DCAF6: variants seen among roughly 807,000 people sequenced by gnomAD.
DCAF6 encodes the protein DDB1 and CUL4 associated factor 6, also known as DDB1- and CUL4-associated factor 6.
DCAF6 carries 54 observed loss-of-function variants against 125.1 expected under a neutral mutation model. The ratio of observed to expected loss-of-function variants is 0.43; its 90% CI spans 0.35 to 0.54. The LOEUF (loss-of-function observed/expected upper bound fraction) is 0.54. Among genes scored for constraint, DCAF6 ranks in the 20% least tolerant of loss-of-function variants. The pLI is 0.01. For synonymous variants in DCAF6, 371 were observed against 390.4 expected, an observed-to-expected ratio of 0.95 and a Z score of 0.58; for missense variants, 934 against 1,161.7, an observed-to-expected ratio of 0.80 and a Z score of 2.85.
chr1:167,985,546 T>C (rs1315169890), intron 4 of DCAF6, among the ~76,000 whole-genome samples: 2 of 152,180 alleles, frequency 1.3e-5, no homozygotes, highest in Non-Finnish European at 2.9e-5. Context: ...CTTGTAATTA[T>C]ATTGGGCCTC....
At chr1:167,988,156 A>C (rs903997790) in intron 5 of DCAF6, among the ~76,000 whole-genome samples, 1 of 152,002 alleles carries the variant, frequency 6.6e-6, no homozygotes, top group Non-Finnish European at 1.5e-5. Context: ...AATACAATTA[A>C]ATTAATTAAT....
At chr1:167,921,288 T>C in the DCAF6 span, among the ~76,000 whole-genome samples, 1 of 152,040 alleles carries the variant, frequency 6.6e-6, no homozygotes, top group African/African-American at 2.4e-5. Flanking sequence ...AATGGTGCGA[T>C]CTAGGCTCAC....
chr1:167,977,418 C>G (rs1470998013), intron 4 of DCAF6, among the ~76,000 whole-genome samples: 2 of 151,686 alleles, frequency 1.3e-5, no homozygotes, highest in Non-Finnish European at 2.9e-5. Flanking sequence ...CCATTATATT[C>G]TGACTTCCAT....
At chr1:167,930,026 G>C in the DCAF6 span, among the ~76,000 whole-genome samples, 1 of 151,892 alleles carries the variant, frequency 6.6e-6, no homozygotes, top group Non-Finnish European at 1.5e-5. Flanking sequence ...GTTAATCTTT[G>C]ACATGGATAC....
At chr1:168,002,742 C>G (rs428694) in intron 8 of DCAF6, among the ~76,000 whole-genome samples, 167 bp downstream of exon 8, 105,334 of 151,662 alleles carry the variant, frequency 0.69, 37,517 homozygotes, top group African/African-American at 0.86. Flanking sequence ...TGGAATGGCG[C>G]AGTCACTGGA....
the DCAF6 span, among the ~76,000 whole-genome samples, chr1:167,898,328 T>C: frequency 6.6e-6 from 1 of 152,004 alleles, no homozygotes; most frequent in Non-Finnish European, 1.5e-5. Flanking sequence ...AGGCTGGGCG[T>C]GGTGGCTTAC....
intron 16 of DCAF6, among the ~76,000 whole-genome samples, chr1:168,046,240 T>TA (rs1235295774): frequency 6.6e-6 from 1 of 152,100 alleles, no homozygotes; most frequent in East Asian, 1.9e-4. Flanking sequence ...GTAAGAATTT[T>TA]AAAAAAATCT....
the DCAF6 span, among the ~76,000 whole-genome samples, chr1:167,918,992 C>T: frequency 6.6e-6 from 1 of 152,088 alleles, no homozygotes; most frequent in Non-Finnish European, 1.5e-5. Flanking sequence ...AAGAACGTGA[C>T]AAACTTGTGA....
chr1:167,984,487 T>C (rs371887009), intron 4 of DCAF6, among the ~76,000 whole-genome samples: 1 of 152,232 alleles, frequency 6.6e-6, no homozygotes, highest in South Asian at 2.1e-4. Context: ...CTTGGAAATA[T>C]ATGCTTCCAA....
At chr1:167,894,490 T>C in the DCAF6 span, among the ~76,000 whole-genome samples, 1 of 152,024 alleles carries the variant, frequency 6.6e-6, no homozygotes, top group African/African-American at 2.4e-5. Context: ...ACTATAAAGA[T>C]TGATAGTTTT....
chr1:167,931,619 CA>C (rs919711920), upstream of DCAF6, among the ~76,000 whole-genome samples: 5 of 152,006 alleles, frequency 3.3e-5, no homozygotes, highest in African/African-American at 1.2e-4. Flanking sequence ...TCTGTGGCAA[CA>C]AAATAAGTTC....
the DCAF6 span, among the ~76,000 whole-genome samples, chr1:167,895,367 C>A: frequency 3.3e-5 from 5 of 152,048 alleles, no homozygotes; most frequent in African/African-American, 1.2e-4. Flanking sequence ...CTTTCCTGAT[C>A]AATGTTTGTA....
intron 2 of DCAF6, among the ~76,000 whole-genome samples, chr1:167,958,303 T>A (rs888135214): frequency 2.0e-5 from 3 of 152,042 alleles, no homozygotes; most frequent in African/African-American, 7.2e-5. Flanking sequence ...TTTCAGTTAA[T>A]TTTTATATGG....
intron 20 of DCAF6, among the ~76,000 whole-genome samples, chr1:168,067,712 G>A (rs1435166502): frequency 6.6e-6 from 1 of 152,194 alleles, no homozygotes; most frequent in Non-Finnish European, 1.5e-5. Context: ...TTGGGGAACT[G>A]TTGATCAGAG....
chr1:167,925,438 TAC>T, the DCAF6 span, among the ~76,000 whole-genome samples: 12 of 79,042 alleles, frequency 1.5e-4, no homozygotes, highest in East Asian at 6.0e-4. Context: ...GATATACATA[TAC>T]ACATATATAT....
At chr1:167,929,425 G>A in the DCAF6 span, among the ~76,000 whole-genome samples, 2 of 152,076 alleles carry the variant, frequency 1.3e-5, no homozygotes, top group Admixed American at 6.5e-5. Context: ...GAAAAATACT[G>A]ACTATAAGTT....
At chr1:167,872,473 A>C in the DCAF6 span, among the ~76,000 whole-genome samples, 1 of 152,074 alleles carries the variant, frequency 6.6e-6, no homozygotes, top group African/African-American at 2.4e-5. Context: ...CTGGATTCTA[A>C]AATGAGATTG....
At chr1:167,993,574 AC>A in intron 7 of DCAF6, 134 bp downstream of exon 7, 1 of 653,428 alleles carries the variant, frequency 1.5e-6, no homozygotes. Flanking sequence ...ACATGGAGAA[AC>A]CCCGTCTTTA....
At chr1:167,878,522 C>A in the DCAF6 span, 15 of 1,614,154 alleles carry the variant, frequency 9.3e-6, no homozygotes, top group Non-Finnish European at 1.3e-5. Flanking sequence ...TTTGGAAGCT[C>A]TTTAAAAAAG....
Sources: allele counts gnomAD v4.1 joint callset (sites outside exome capture counted in the v4.1 genomes callset), GRCh38; gene constraint gnomAD v4.1.1; transcripts MANE v1.5; gene names NCBI Gene and HGNC (gene_info 2026-07-23, HGNC 2026-07-21).